The following LEMD3 variants were observed in gnomAD, a reference collection of about 807,000 sequenced individuals.
The protein encoded by LEMD3 is inner nuclear membrane protein Man1.
Under a neutral mutation model 95.2 loss-of-function variants are expected in LEMD3, and 33 were observed. The ratio of observed to expected loss-of-function variants is 0.35; its 90% CI spans 0.26 to 0.46. The LOEUF (loss-of-function observed/expected upper bound fraction) is 0.46, where lower values mean the gene tolerates loss of function less well. Among genes scored for constraint, LEMD3 ranks in the 20% least tolerant of loss-of-function variants. LEMD3 has a pLI of 1.00. For missense variants in LEMD3, 1,210 were observed against 1,192.8 expected (o/e 1.01, Z -0.21); for synonymous variants, 525 against 474.6 (o/e 1.11, Z -1.38).
At chr12:65,238,382 T>C (rs938204279) in intron 4 of LEMD3, 120 bp from the exon 5 acceptor site, 3 of 677,320 alleles carry the variant, frequency 4.4e-6, no homozygotes, top group Admixed American at 2.9e-5. Context: ...TTTTCTGTAA[T>C]GAATATTTTA....
intron 1 of LEMD3, among the ~76,000 whole-genome samples, chr12:65,199,078 A>G (rs543343386): frequency 9.9e-4 from 150 of 152,264 alleles, no homozygotes; most frequent in African/African-American, 3.5e-3. Flanking sequence ...TATTAACTTT[A>G]TAGTTTATCT....
intron 1 of LEMD3, among the ~76,000 whole-genome samples, chr12:65,180,230 G>A (rs369331053): frequency 2.0e-5 from 3 of 151,928 alleles, no homozygotes; most frequent in South Asian, 2.1e-4. Flanking sequence ...ACAGGTGTGC[G>A]CCACCGTGCC....
Position 65,216,039 on chromosome 12 carries a change from T to G in LEMD3, c.1623T>G (p.Leu541=). 6.3e-7 allele frequency: 1 copy of G among 1,587,530 alleles called. No individual in the cohort carries two copies. The change falls in exon 3 of 13, where the codon CTT becomes CTG. Residue 541 remains leucine (L), a synonymous_variant. Transcript: ENST00000308330. Reference sequence around the variant, plus strand: ...AGCTTCATGATCGATTGGCACAGCTTGCAGGTAATTGTTTTAACTTTTATA... The same window carrying G: ...AGCTTCATGATCGATTGGCACAGCTGGCAGGTAATTGTTTTAACTTTTATA... ...LYKLHDRLAQ[L]AGDHECGSSS...
Position 65,170,693 on chromosome 12 carries a change from C to T in LEMD3, c.1097C>T (p.Pro366Leu), listed in dbSNP as rs199884145. 2 of 1,614,216 alleles carry T rather than the reference C, an allele frequency of 1.2e-6. No individual in the cohort carries two copies. Among genetic ancestry groups the T allele is most frequent in the Non-Finnish European group, 1.7e-6 (2 of 1,180,034 alleles). ...CGTGTTAACGCTAAGAAACTGACCC[C>T]TCTCCTGCCCCCGCCACTTACTGAC... ...RYRVNAKKLT[P>L]LLPPPLTDMD... The change falls in exon 1 of 13, where the codon CCT becomes CTT. Residue 366 changes from proline (P) to leucine (L), a missense_variant. Pro to Leu is a moderately conservative substitution (Grantham distance 98, BLOSUM62 -3). Around this residue, in one of 2 missense-constraint regions of LEMD3, gnomAD observed 749 missense variants for 622.9 expected, o/e 1.20. Transcript: ENST00000308330.
In LEMD3 at chr12:65,240,977, C is replaced by T. The variant is rs376437712; in HGVS notation, c.2195C>T (p.Thr732Met). 2.1e-4 allele frequency: 333 copies of T among 1,613,940 alleles called. 5 individuals are homozygous for T. In the South Asian group the frequency reaches 3.1e-3, roughly 15 times the overall value. The change falls in exon 9 of 13, where the codon ACG becomes ATG. Residue 732 changes from threonine to methionine, a missense_variant. This residue lies in a region of LEMD3 where 461 missense variants were observed against 569.8 expected (regional missense o/e 0.81). Coordinates refer to ENST00000308330, the MANE Select transcript of LEMD3 (RefSeq NM_014319.5). ...GCTGCTAATGAGTCTAGAGTTCGCA[C>T]GGAAACACGAAGAATAGGTGGTGCA... ...FLAANESRVR[T>M]ETRRIGGADF...
Position 65,170,432 on chromosome 12 carries a change from A to T in LEMD3, c.836A>T (p.Asp279Val). Residue 279 changes from aspartate to valine, a missense_variant, in exon 1 of 13, where the codon GAC (aspartate) becomes GTC (valine). By Grantham distance (152) the Asp-to-Val change is radical (BLOSUM62 -3). Coordinates refer to ENST00000308330, the MANE Select transcript of LEMD3 (RefSeq NM_014319.5). ...VASSRQVLKD[D>V]SLSRHRPRRT... The stretch of plus-strand genomic sequence containing the variant: ...TCCAGCAGACAGGTATTAAAGGACG[A>T]CTCCCTTTCCCGGCATCGGCCCAGA... The T allele has an allele frequency of 6.2e-7, 1 of 1,611,418 alleles. No homozygotes were observed. The highest frequency in any genetic ancestry group is 1.7e-5 in the Admixed American group (1 of 59,684).
At chr12:65,191,714 T>A (rs957328500) in intron 1 of LEMD3, among the ~76,000 whole-genome samples, 1 of 151,902 alleles carries the variant, frequency 6.6e-6, no homozygotes, top group Non-Finnish European at 1.5e-5. Flanking sequence ...AGGCAGATGT[T>A]TGCTGAGGCA....
chr12:65,219,707 C>T (rs1592452096), intron 4 of LEMD3, among the ~76,000 whole-genome samples: 2 of 152,120 alleles, frequency 1.3e-5, no homozygotes, highest in Admixed American at 6.5e-5. Flanking sequence ...ACAGCAGGCC[C>T]CCGTTTTCCT....
intron 1 of LEMD3, among the ~76,000 whole-genome samples, chr12:65,172,735 T>C (rs1030988921): frequency 4.6e-5 from 7 of 151,658 alleles, no homozygotes; most frequent in Admixed American, 2.6e-4. Context: ...CTTTTCTTTT[T>C]TTTTTTTTTT....
intron 10 of LEMD3, 183 bp from the exon 11 acceptor site, chr12:65,245,486 C>T: frequency 1.7e-6 from 1 of 589,326 alleles, no homozygotes; most frequent in Non-Finnish European, 3.0e-6. Context: ...GCTGAGACTT[C>T]TGAATTGTAA....
chr12:65,205,881 T>C (rs559236356), intron 1 of LEMD3, among the ~76,000 whole-genome samples: 51 of 152,170 alleles, frequency 3.4e-4, no homozygotes, highest in Non-Finnish European at 5.4e-4. Context: ...TTTGATTATG[T>C]AATCTCAATA....
chr12:65,189,101 CAAT>C (rs1869157664), intron 1 of LEMD3, among the ~76,000 whole-genome samples: 1 of 152,120 alleles, frequency 6.6e-6, no homozygotes, highest in African/African-American at 2.4e-5. Context: ...GAGATTAAAA[CAAT>C]AACCCAATGA....
chr12:65,240,320 T>C, intron 8 of LEMD3, 82 bp downstream of exon 8: 1 of 1,064,002 alleles, frequency 9.4e-7, no homozygotes, highest in Non-Finnish European at 1.5e-6. Context: ...TTGAGAGCTG[T>C]GACCCTTCTC....
intron 1 of LEMD3, among the ~76,000 whole-genome samples, chr12:65,201,434 ACTAT>A (rs1281988126): frequency 6.6e-6 from 1 of 152,180 alleles, no homozygotes; most frequent in African/African-American, 2.4e-5. Flanking sequence ...ATGGACATGA[ACTAT>A]CTTTCAGTTT....
chr12:65,170,572 G>T lies in LEMD3; in HGVS notation c.976G>T (p.Gly326Trp). The T allele has an allele frequency of 6.2e-7, 1 of 1,613,980 alleles. No individual in the cohort carries two copies. The highest frequency in any genetic ancestry group is 8.5e-7 in the Non-Finnish European group (1 of 1,179,928). ...GATGAATGACAGGGCGGCGGCTGCC[G>T]GGAGTCTAGACAGGAGCCGAAACCT... ...LAMNDRAAAA[G>W]SLDRSRNLEE... Residue 326 changes from glycine to tryptophan, a missense_variant, in exon 1 of 13, where the codon GGG becomes TGG. Physicochemically the swap from Gly to Trp is radical, Grantham distance 184 (BLOSUM62 -2). Coordinates refer to ENST00000308330, the MANE Select transcript of LEMD3 (RefSeq NM_014319.5).
In LEMD3 at chr12:65,170,501, C is replaced by G; in HGVS notation, c.905C>G (p.Ala302Gly). The G allele has an allele frequency of 6.2e-7, 1 of 1,614,106 alleles. No homozygotes were observed. Among genetic ancestry groups the G allele is most frequent in the Non-Finnish European group, 8.5e-7 (1 of 1,180,024 alleles). Residue 302 changes from alanine to glycine, a missense_variant, in exon 1 of 13, where the codon GCC becomes GGC. Transcript: ENST00000308330. ...KPLPPLTAKS[A>G]GGRLETSVQG... ...CTCCCCCCGCTGACTGCTAAATCGG[C>G]CGGCGGCAGGCTGGAGACTTCAGTT...
At chr12:65,217,860 C>T (rs891950559) in intron 3 of LEMD3, among the ~76,000 whole-genome samples, 1 of 152,086 alleles carries the variant, frequency 6.6e-6, no homozygotes, top group Non-Finnish European at 1.5e-5. Flanking sequence ...TTCTGTCACT[C>T]AGGCTGGAGT....
In LEMD3 at chr12:65,170,701, C is replaced by G; in HGVS notation, c.1105C>G (p.Pro369Ala). The G allele has an allele frequency of 6.2e-7, 1 of 1,614,224 alleles. No individual in the cohort carries two copies. Among genetic ancestry groups the G allele is most frequent in the Non-Finnish European group, 8.5e-7 (1 of 1,180,034 alleles). Residue 369 changes from proline (P) to alanine (A), a missense_variant, in exon 1 of 13, where the codon CCC (proline) becomes GCC (alanine). Physicochemically the swap from Pro to Ala is conservative, Grantham distance 27. This residue lies in a region of LEMD3 where 749 missense variants were observed against 622.9 expected (regional missense o/e 1.20). Transcript: ENST00000308330. Reference protein sequence around the residue: ...VNAKKLTPLLPPPLTDMDSTL... With the variant: ...VNAKKLTPLLAPPLTDMDSTL... Reference sequence around the variant, plus strand: ...CGCTAAGAAACTGACCCCTCTCCTGCCCCCGCCACTTACTGACATGGACTC... The same window carrying G: ...CGCTAAGAAACTGACCCCTCTCCTGGCCCCGCCACTTACTGACATGGACTC...
intron 4 of LEMD3, among the ~76,000 whole-genome samples, chr12:65,234,233 A>G (rs2136351152): frequency 6.6e-6 from 1 of 152,216 alleles, no homozygotes; most frequent in East Asian, 1.9e-4. Context: ...TGCTTTTAAA[A>G]AAGAAAGAAA....
Sources: allele counts gnomAD v4.1 joint callset (sites outside exome capture counted in the v4.1 genomes callset), GRCh38; gene constraint gnomAD v4.1.1; regional missense constraint gnomAD v4.1.1; transcripts MANE v1.5; gene names NCBI Gene and HGNC (gene_info 2026-07-23, HGNC 2026-07-21).